CAPS2: variants seen among roughly 807,000 people sequenced by gnomAD.
CAPS2 encodes the protein calcyphosin-2.
CAPS2 carries 98 observed loss-of-function variants against 86.5 expected under a neutral mutation model. That is an observed-to-expected ratio of 1.13 (90% confidence interval 0.96 to 1.34). The LOEUF is 1.34. Among genes scored for constraint, CAPS2 ranks in the 40% most tolerant of loss-of-function variants. CAPS2 has a pLI of 0.00. For missense variants in CAPS2, 729 were observed against 686.8 expected (o/e 1.06, Z -0.69); for synonymous variants, 210 against 225.1 (o/e 0.93, Z 0.60).
chr12:75,387,162 T>C (rs931823175), intron 1 of CAPS2, among the ~76,000 whole-genome samples: 1 of 152,138 alleles, frequency 6.6e-6, no homozygotes, highest in Non-Finnish European at 1.5e-5. Flanking sequence ...AGAAGATATA[T>C]GCAATAAAAA....
At chr12:75,373,020 A>C (rs1039796948) in intron 1 of CAPS2, among the ~76,000 whole-genome samples, 3 of 152,184 alleles carry the variant, frequency 2.0e-5, no homozygotes, top group African/African-American at 7.2e-5. Flanking sequence ...TCCATGACGG[A>C]GGCAGTCCAA....
intron 16 of CAPS2, among the ~76,000 whole-genome samples, chr12:75,279,789 A>C (rs1491000271): frequency 1.2e-4 from 19 of 152,058 alleles, no homozygotes; most frequent in Admixed American, 9.2e-4. Flanking sequence ...AAATAATAAA[A>C]TGAAGTTTTA....
exon 12 of CAPS2, chr12:75,293,339 T>G (rs780769520): frequency 6.2e-7 from 1 of 1,611,774 alleles, no homozygotes; most frequent in African/African-American, 1.3e-5. Context: ...GCTGAGATGA[T>G]CAGAACTCAA....
At chr12:75,380,370 G>T (rs1047691719) in intron 1 of CAPS2, among the ~76,000 whole-genome samples, 1 of 152,026 alleles carries the variant, frequency 6.6e-6, no homozygotes, top group Non-Finnish European at 1.5e-5. Flanking sequence ...TCATCACTTC[G>T]AGTGGAACTC....
chr12:75,344,578 T>A (rs1189042778), intron 1 of CAPS2, among the ~76,000 whole-genome samples: 2 of 152,174 alleles, frequency 1.3e-5, no homozygotes, highest in Admixed American at 1.3e-4. Flanking sequence ...CTGCTAGCTC[T>A]AGTATCTATG....
upstream of CAPS2, among the ~76,000 whole-genome samples, chr12:75,333,520 A>G (rs1430017957): frequency 6.6e-6 from 1 of 152,172 alleles, no homozygotes; most frequent in African/African-American, 2.4e-5. Flanking sequence ...TGGACTATGT[A>G]TGTGATATGA....
At chr12:75,362,467 C>T (rs939984966) in intron 1 of CAPS2, among the ~76,000 whole-genome samples, 1 of 152,014 alleles carries the variant, frequency 6.6e-6, no homozygotes, top group African/African-American at 2.4e-5. Flanking sequence ...TTGGTAGTGA[C>T]CAAAAACTTG....
At chr12:75,289,739 C>T (rs199654216) in exon 14 of CAPS2, 68 of 1,612,538 alleles carry the variant, frequency 4.2e-5, no homozygotes, top group Admixed American at 2.2e-4. Context: ...AGTCAAAATA[C>T]GAACACCTCT....
upstream of CAPS2, chr12:75,330,011 C>A: frequency 1.5e-6 from 1 of 670,654 alleles, no homozygotes; most frequent in South Asian, 2.1e-5. Flanking sequence ...AAACCGCATT[C>A]AGAAAGCTTT....
chr12:75,341,842 T>C (rs2042143321), intron 1 of CAPS2, among the ~76,000 whole-genome samples: 1 of 139,896 alleles, frequency 7.1e-6, no homozygotes, highest in African/African-American at 2.7e-5. Flanking sequence ...CTCCGCCTCC[T>C]AGGTTCAAGC....
At chr12:75,277,393 G>A (rs1325221094) in exon 17 of CAPS2, 5 of 975,186 alleles carry the variant, frequency 5.1e-6, no homozygotes, top group African/African-American at 1.8e-5. Context: ...AATTTGTAGG[G>A]TTTAAGATGT....
intron 1 of CAPS2, among the ~76,000 whole-genome samples, chr12:75,325,957 C>A (rs2040740367): frequency 6.6e-6 from 1 of 152,058 alleles, no homozygotes; most frequent in South Asian, 2.1e-4. Flanking sequence ...GCCAAAAAAA[C>A]TGCAAGTCAT....
chr12:75,352,671 A>C (rs2042891624), intron 1 of CAPS2, among the ~76,000 whole-genome samples: 1 of 152,054 alleles, frequency 6.6e-6, no homozygotes. Context: ...TATCTGCAGA[A>C]CTCTCCACCC....
At chr12:75,371,489 T>G (rs552024858) in intron 1 of CAPS2, 517 of 356,082 alleles carry the variant, frequency 1.5e-3, no homozygotes, top group Middle Eastern at 2.2e-3. Context: ...CATCCTTCAA[T>G]AAAGTTGACA....
chr12:75,284,233 C>T (rs2076461434), intron 15 of CAPS2, among the ~76,000 whole-genome samples: 1 of 152,244 alleles, frequency 6.6e-6, no homozygotes, highest in Middle Eastern at 3.4e-3. Context: ...TTTACTATGT[C>T]TCTTGCCCAG....
intron 1 of CAPS2, among the ~76,000 whole-genome samples, chr12:75,357,741 CA>C (rs2043246342): frequency 6.6e-6 from 1 of 151,852 alleles, no homozygotes; most frequent in African/African-American, 2.4e-5. Context: ...TGAATACTAA[CA>C]TACTTCTAAA....
At chr12:75,335,057 C>T (rs1196278349) in intron 1 of CAPS2, among the ~76,000 whole-genome samples, 2 of 152,176 alleles carry the variant, frequency 1.3e-5, no homozygotes, top group African/African-American at 2.4e-5. Context: ...GGGCTGTCTC[C>T]TCCAGAGTCA....
intron 1 of CAPS2, among the ~76,000 whole-genome samples, chr12:75,379,180 T>C (rs915809289): frequency 6.6e-6 from 1 of 152,182 alleles, no homozygotes; most frequent in South Asian, 2.1e-4. Context: ...AATTTAAAAT[T>C]TAAAATTTTT....
intron 1 of CAPS2, chr12:75,343,886 T>A: frequency 6.2e-7 from 1 of 1,612,268 alleles, no homozygotes; most frequent in Non-Finnish European, 8.5e-7. Flanking sequence ...GAAACCCAAT[T>A]TTATGATTTT....
Sources: gnomAD v4.1 joint callset for allele counts (sites outside exome capture counted in the v4.1 genomes callset) on GRCh38, gnomAD v4.1.1 for gene constraint, MANE v1.5 for transcripts, NCBI Gene and HGNC (gene_info 2026-07-23, HGNC 2026-07-21) for gene names.